The following SCO1 variants were observed in gnomAD, a reference collection of about 807,000 sequenced individuals.
SCO1 encodes the protein cytochrome c oxidase assembly factor SCO1.
A neutral mutation model predicts 34.0 loss-of-function variants in SCO1; 23 were observed. The observed-to-expected ratio is 0.68, with a 90% confidence interval of 0.49 to 0.96. The LOEUF (loss-of-function observed/expected upper bound fraction) is 0.96, where lower values mean the gene tolerates loss of function less well. Among genes scored for constraint, SCO1 ranks in the 40% least tolerant of loss-of-function variants. The pLI is 0.00. For synonymous variants in SCO1, 161 were observed against 145.5 expected (o/e 1.11, Z -0.77); for missense variants, 404 against 381.6 (o/e 1.06, Z -0.49).
rs182333502 is a variant in SCO1 at position 10,674,032 on chromosome 17, C to T, written c.*7087G>A. On this transcript the variant is annotated 3_prime_UTR_variant, in exon 6 of 6. Coordinates refer to ENST00000255390, the MANE Select transcript of SCO1 (RefSeq NM_004589.4). The stretch of plus-strand genomic sequence containing the variant: ...TATTCTTTCTTGACTTTTTCCCCTT[C>T]CCTATTGGGTAAAAATTAATAGACT... 18 of 152,282 alleles carry T rather than the reference C, an allele frequency of 1.2e-4. No individual in the cohort carries two copies. The highest frequency in any genetic ancestry group is 4.3e-4 in the African/African-American group (18 of 41,560). 9.4% of individuals were successfully genotyped at this position (152,282 alleles called of 1,614,324 possible). A position where few individuals can be genotyped will look rare whatever the true frequency, so the allele number is the denominator to read the frequency against.
rs1220592426 is a variant in SCO1 at position 10,675,392 on chromosome 17, A to G, written c.*5727T>C. 2.6e-5 allele frequency: 4 copies of G among 152,270 alleles called. No individual in the cohort carries two copies. The East Asian group carries it at 7.7e-4, about 29-fold the overall frequency. The allele number at this position is 152,270 out of a possible 1,614,324, so 9.4% of individuals were successfully genotyped here. On this transcript the variant is annotated 3_prime_UTR_variant, in exon 6 of 6. Transcript: ENST00000255390. The stretch of plus-strand genomic sequence containing the variant: ...CAAATTGCTGAGAGCTGTCCAATGC[A>G]TTCTCCACATCACAGACTTGCTTTC...
rs1010229355 is a variant in SCO1 at position 10,673,112 on chromosome 17, T to A, written c.*8007A>T. ...TCTGCCTCCCGGGTTCAAGCGATTC[T>A]CCTGCCTCAGCCTCCTGAGTAGCTG... On this transcript the variant is annotated 3_prime_UTR_variant, in exon 6 of 6. Coordinates refer to ENST00000255390, the MANE Select transcript of SCO1 (RefSeq NM_004589.4). 6.6e-6 allele frequency: 1 copy of A among 151,964 alleles called. No individual in the cohort carries two copies. The highest frequency in any genetic ancestry group is 2.4e-5 in the African/African-American group (1 of 41,354). The allele number at this position is 151,964 out of a possible 1,614,324, so 9.4% of individuals were successfully genotyped here.
chr17:10,694,291 A>T (rs2074708895), intron 2 of SCO1, among the ~76,000 whole-genome samples: 1 of 152,248 alleles, frequency 6.6e-6, no homozygotes, highest in Admixed American at 6.5e-5. Flanking sequence ...GGAAACTGTT[A>T]CAGATGAAGG....
chr17:10,686,396 G>A (rs1249426504), intron 5 of SCO1, among the ~76,000 whole-genome samples: 3 of 151,642 alleles, frequency 2.0e-5, no homozygotes, highest in Admixed American at 6.6e-5. Context: ...CCTGGCCAAC[G>A]TGGTGAAACC....
In SCO1 at chr17:10,692,965, A is replaced by C. The variant is rs1277401482; in HGVS notation, c.365-4T>G. 2 of 1,613,856 alleles carry C rather than the reference A, an allele frequency of 1.2e-6. No homozygotes were observed. Among genetic ancestry groups the C allele is most frequent in the Non-Finnish European group, 1.7e-6 (2 of 1,179,882 alleles). Reference sequence around the variant, plus strand: ...CGCTGCCGTTCCTTCTCTAACTCTTAAGGAGACAAAAACATATCGACACCA... The same window carrying C: ...CGCTGCCGTTCCTTCTCTAACTCTTCAGGAGACAAAAACATATCGACACCA... On this transcript the variant is annotated splice_region_variant and splice_polypyrimidine_tract_variant and intron_variant, in intron 2 of 5. Transcript: ENST00000255390.
At chr17:10,692,449 CTAATT>C (rs944910205) in intron 3 of SCO1, among the ~76,000 whole-genome samples, 16 of 152,188 alleles carry the variant, frequency 1.1e-4, no homozygotes, top group African/African-American at 3.6e-4. Context: ...CAAAGATTTC[CTAATT>C]TAATTGTCAC....
At chr17:10,696,755 T>A (rs1597511401) in intron 1 of SCO1, among the ~76,000 whole-genome samples, 1 of 152,136 alleles carries the variant, frequency 6.6e-6, no homozygotes, top group East Asian at 1.9e-4. Flanking sequence ...TCTCAAGTTA[T>A]TTCTGGGTCA....
In SCO1 at chr17:10,676,756, G is replaced by A. The variant is rs558566144; in HGVS notation, c.*4363C>T. The A allele has an allele frequency of 3.0e-4, 46 of 152,298 alleles. No homozygotes were observed. Among genetic ancestry groups the A allele is most frequent in the African/African-American group, 1.1e-3 (45 of 41,576 alleles). 9.4% of individuals were successfully genotyped at this position (152,298 alleles called of 1,614,324 possible). ...ATTATTTCTTGGTAGTGGAACAACA[G>A]TGATTGAAAATTTTCTTCCTTCAAC... On this transcript the variant is annotated 3_prime_UTR_variant, in exon 6 of 6. Coordinates refer to ENST00000255390, the MANE Select transcript of SCO1 (RefSeq NM_004589.4).
At chr17:10,691,840 A>C (rs573948556) in intron 4 of SCO1, 32 bp downstream of exon 4, 1 of 1,430,780 alleles carries the variant, frequency 7.0e-7, no homozygotes, top group East Asian at 2.3e-5. Flanking sequence ...CTTTAAGGCT[A>C]AATAAATGTA....
chr17:10,687,900 T>A (rs963189420), intron 4 of SCO1, among the ~76,000 whole-genome samples: 1 of 152,200 alleles, frequency 6.6e-6, no homozygotes, highest in African/African-American at 2.4e-5. Context: ...TTTGCCAATA[T>A]AACACATGTT....
At position 10,691,861 on chromosome 17, in the gene SCO1, T is replaced by TA. The variant is rs2074691796; in HGVS notation, c.655+10dup. ...GGCTAAATAAATGTAAAGTATTATT[T>TA]AAAAAAATACCTTTCACATAATTTG... On this transcript the variant is annotated intron_variant, in intron 4 of 5. Coordinates refer to ENST00000255390, the MANE Select transcript of SCO1 (RefSeq NM_004589.4). The TA allele has an allele frequency of 3.2e-6, 5 of 1,568,984 alleles. No homozygotes were observed. In the South Asian group the frequency reaches 4.4e-5, roughly 14 times the overall value.
chr17:10,694,770 GTTTC>G (rs1280230998), intron 2 of SCO1, among the ~76,000 whole-genome samples: 2 of 146,688 alleles, frequency 1.4e-5, no homozygotes, highest in Non-Finnish European at 2.9e-5. Context: ...CCTAGCTTTT[GTTTC>G]TTTGTGAAAC....
rs2074569213 is a variant in SCO1 at position 10,674,671 on chromosome 17, C to A, written c.*6448G>T. ...ACATACCAGATGGTGTGTGACACGT[C>A]TGACATTGTGATGGCGAAACCACCT... is the stretch of plus-strand genomic sequence containing the variant. On this transcript the variant is annotated 3_prime_UTR_variant, in exon 6 of 6. Transcript: ENST00000255390. 6.6e-6 allele frequency: 1 copy of A among 152,562 alleles called. No individual in the cohort carries two copies. Among genetic ancestry groups the A allele is most frequent in the Non-Finnish European group, 1.5e-5 (1 of 68,310 alleles). The allele number at this position is 152,562 out of a possible 1,614,324, so 9.5% of individuals were successfully genotyped here.
Position 10,676,828 on chromosome 17 carries a change from G to C in SCO1, c.*4291C>G, listed in dbSNP as rs866868254. 1.3e-5 allele frequency: 2 copies of C among 152,090 alleles called. No homozygotes were observed. Among genetic ancestry groups the C allele is most frequent in the Non-Finnish European group, 2.9e-5 (2 of 68,034 alleles). 9.4% of individuals were successfully genotyped at this position (152,090 alleles called of 1,614,324 possible). On this transcript the variant is annotated 3_prime_UTR_variant, in exon 6 of 6. Coordinates refer to ENST00000255390, the MANE Select transcript of SCO1 (RefSeq NM_004589.4). ...TTTACTGAGGATATAGTATAATTACGGAAGAAGAGCCAACAAACTTTCAAA... is the reference window on the plus strand; with the variant it reads ...TTTACTGAGGATATAGTATAATTACCGAAGAAGAGCCAACAAACTTTCAAA...
At chr17:10,693,853 G>A (rs936591027) in intron 2 of SCO1, among the ~76,000 whole-genome samples, 1 of 152,140 alleles carries the variant, frequency 6.6e-6, no homozygotes, top group Non-Finnish European at 1.5e-5. Flanking sequence ...GGGACAACTT[G>A]GGCATCAAAA....
chr17:10,697,393 C>T lies in SCO1; in HGVS notation c.115G>A (p.Val39Ile). ...FWGPAEGTAR[V>I]LLRQFCARQA... ...CGCGCGCAGAACTGCCTCAGCAAGACTCTCGCAGTCCCCTCGGCTGGGCCC... is the reference window on the plus strand; with the variant it reads ...CGCGCGCAGAACTGCCTCAGCAAGATTCTCGCAGTCCCCTCGGCTGGGCCC... The change falls in exon 1 of 6, where the codon GTC becomes ATC. Residue 39 changes from valine to isoleucine, a missense_variant. Coordinates refer to ENST00000255390, the MANE Select transcript of SCO1 (RefSeq NM_004589.4). 1.2e-6 allele frequency: 2 copies of T among 1,604,502 alleles called. No individual in the cohort carries two copies. Among genetic ancestry groups the T allele is most frequent in the Non-Finnish European group, 1.7e-6 (2 of 1,175,628 alleles).
Position 10,693,000 on chromosome 17 carries a change from T to C in SCO1, c.365-39A>G, listed in dbSNP as rs199919833. On this transcript the variant is annotated intron_variant, in intron 2 of 5. Coordinates refer to ENST00000255390, the MANE Select transcript of SCO1 (RefSeq NM_004589.4). Reference sequence around the variant, plus strand: ...AAACATATCGACACCAAAAAAAAAGTCAATTTAACCAGAGGTACTCAAATA... The same window carrying C: ...AAACATATCGACACCAAAAAAAAAGCCAATTTAACCAGAGGTACTCAAATA... The C allele has an allele frequency of 2.5e-6, 4 of 1,572,600 alleles. No individual in the cohort carries two copies. In the African/African-American group the frequency reaches 4.1e-5, roughly 16 times the overall value.
At position 10,677,649 on chromosome 17, in the gene SCO1, GC is replaced by G. The variant is rs1247437347; in HGVS notation, c.*3469del. 7 of 152,276 alleles carry G rather than the reference GC, an allele frequency of 4.6e-5. No individual in the cohort carries two copies. In the East Asian group the frequency reaches 7.7e-4, roughly 17 times the overall value. 9.4% of individuals were successfully genotyped at this position (152,276 alleles called of 1,614,324 possible). ...CTCACCTCTTACACTTAAGATATCA[GC>G]TGCTTCATGAACAGCCAGACACATG... On this transcript the variant is annotated 3_prime_UTR_variant, in exon 6 of 6. Coordinates refer to ENST00000255390, the MANE Select transcript of SCO1 (RefSeq NM_004589.4).
chr17:10,691,471 G>A (rs2662945), intron 4 of SCO1, among the ~76,000 whole-genome samples: 76,838 of 152,056 alleles, frequency 0.51, 20,196 homozygotes, highest in African/African-American at 0.65. Context: ...AAATATGTTT[G>A]TATTTAATTA....
Sources: allele counts gnomAD v4.1 joint callset (sites outside exome capture counted in the v4.1 genomes callset), GRCh38; gene constraint gnomAD v4.1.1; transcripts MANE v1.5; gene names NCBI Gene and HGNC (gene_info 2026-07-23, HGNC 2026-07-21).